The following AGPAT4 variants were observed in gnomAD, a reference collection of about 807,000 sequenced individuals.
AGPAT4 encodes 1-acyl-sn-glycerol-3-phosphate acyltransferase delta.
Under a neutral mutation model 48.0 loss-of-function variants are expected in AGPAT4, and 15 were observed. The observed-to-expected ratio is 0.31, with a 90% confidence interval of 0.21 to 0.48. AGPAT4 has a LOEUF of 0.48. Ranked by LOEUF, AGPAT4 falls within the 20% of genes least tolerant of loss-of-function variation. The pLI is 0.99. For missense variants in AGPAT4, 314 were observed against 482.5 expected (o/e 0.65, Z 3.27); for synonymous variants, 178 against 198.7 (o/e 0.90, Z 0.88).
chr6:161,246,281 G>T lies in AGPAT4; in HGVS notation c.-89-13979C>A, dbSNP rs1782644907. ...CATACATTCATTCGTCCACTGAGAA[G>T]TATATTCATTCATTAGGTTCCCATC... On this transcript the variant is annotated intron_variant, in intron 1 of 8. Transcript: ENST00000320285. The surrounding 1 kb of genome is among the most constrained non-coding windows in gnomAD (Gnocchi z 5.5). Among the ~76,000 whole-genome samples the T allele has an allele frequency of 6.6e-6, 1 of 152,172 alleles. No homozygotes were observed. The highest frequency in any genetic ancestry group is 1.5e-5 in the Non-Finnish European group (1 of 68,032).
At position 161,133,390 on chromosome 6, in the gene AGPAT4, T is replaced by C. The variant is rs535324396; in HGVS notation, c.*3150A>G. 21 of 152,370 alleles carry C rather than the reference T, an allele frequency of 1.4e-4. No homozygotes were observed. Among genetic ancestry groups the C allele is most frequent in the Admixed American group, 3.3e-4 (5 of 15,310 alleles). The allele number at this position is 152,370 out of a possible 1,614,324, so 9.4% of individuals were successfully genotyped here. ...TTTGCATGCATTTGTTTAGAGGATA[T>C]TGCAGTCGAGATATTCCAGTACTAC... On this transcript the variant is annotated 3_prime_UTR_variant, in exon 9 of 9. Coordinates refer to ENST00000320285, the MANE Select transcript of AGPAT4 (RefSeq NM_020133.3).
In AGPAT4 at chr6:161,229,785, G is replaced by A. The variant is rs1257828196; in HGVS notation, c.178+2251C>T. ...TTCCCGCTTCGGATTGTTTAAAAAT[G>A]CTTCCACTATCGCTTGGCCCAAAGC... On this transcript the variant is annotated intron_variant, in intron 2 of 8. Transcript: ENST00000320285. The surrounding 1 kb of genome is among the most constrained non-coding windows in gnomAD (Gnocchi z 6.0). Among the ~76,000 whole-genome samples the A allele has an allele frequency of 6.6e-6, 1 of 152,058 alleles. No individual in the cohort carries two copies. Among genetic ancestry groups the A allele is most frequent in the Admixed American group, 6.5e-5 (1 of 15,274 alleles).
At position 161,232,405 on chromosome 6, in the gene AGPAT4, CAT is replaced by C. The variant is rs1782146186; in HGVS notation, c.-89-105_-89-104del. 1.8e-6 allele frequency: 1 copy of C among 565,652 alleles called. No individual in the cohort carries two copies. Among genetic ancestry groups the C allele is most frequent in the East Asian group, 2.9e-5 (1 of 34,582 alleles). The allele number at this position is 565,652 out of a possible 1,614,324, so 35.0% of individuals were successfully genotyped here. A position where few individuals can be genotyped will look rare whatever the true frequency, so the allele number is the denominator to read the frequency against. On this transcript the variant is annotated intron_variant, in intron 1 of 8. Coordinates refer to ENST00000320285, the MANE Select transcript of AGPAT4 (RefSeq NM_020133.3). The surrounding 1 kb of genome is among the most constrained non-coding windows in gnomAD (Gnocchi z 6.8). ...AAAAATATACACTTGAGGTTAAACT[CAT>C]GTGCGTTAGTTGATTTATCTTTATT... is the stretch of plus-strand genomic sequence containing the variant.
Position 161,244,899 on chromosome 6 carries a change from C to T in AGPAT4, c.-89-12597G>A, listed in dbSNP as rs1782608034. 6.6e-6 allele frequency among the ~76,000 whole-genome samples: 1 copy of T among 152,178 alleles called. No individual in the cohort carries two copies. The highest frequency in any genetic ancestry group is 2.1e-4 in the South Asian group (1 of 4,822). ...GGCCAAAACCCCAGGCCTGGGGAGT[C>T]CCAGTGTCAGAGACAGGCTATCTCA... On this transcript the variant is annotated intron_variant, in intron 1 of 8. Coordinates refer to ENST00000320285, the MANE Select transcript of AGPAT4 (RefSeq NM_020133.3). This position sits in a 1 kb window ranked among gnomAD's most constrained non-coding sequence, Gnocchi z 4.7.
rs1054769637 is a variant in AGPAT4 at position 161,196,274 on chromosome 6, A to G, written c.179-29857T>C. Among the ~76,000 whole-genome samples the G allele has an allele frequency of 2.6e-5, 4 of 152,158 alleles. No homozygotes were observed. The highest frequency in any genetic ancestry group is 5.9e-5 in the Non-Finnish European group (4 of 68,030). On this transcript the variant is annotated intron_variant, in intron 2 of 8. Coordinates refer to ENST00000320285, the MANE Select transcript of AGPAT4 (RefSeq NM_020133.3). The surrounding 1 kb of genome is among the most constrained non-coding windows in gnomAD (Gnocchi z 4.3). ...ACTGGAGAGGCTAGGGGCTGGAGGG[A>G]AATCTGCAGAAAAGGTGTCCTGGAA...
chr6:161,207,273 G>A (rs1322871986), intron 2 of AGPAT4, among the ~76,000 whole-genome samples: 1 of 152,152 alleles, frequency 6.6e-6, no homozygotes, highest in Admixed American at 6.5e-5. Context: ...AGCTCCTCTC[G>A]CTCCTAAATG....
At chr6:161,237,760 TACG>T (rs1404548186) in intron 1 of AGPAT4, among the ~76,000 whole-genome samples, 1 of 152,182 alleles carries the variant, frequency 6.6e-6, no homozygotes, top group African/African-American at 2.4e-5. Flanking sequence ...CATCCTTTTT[TACG>T]ACGAGAATGA....
In AGPAT4 at chr6:161,225,473, C is replaced by A. The variant is rs1413898881; in HGVS notation, c.178+6563G>T. 6.6e-6 allele frequency among the ~76,000 whole-genome samples: 1 copy of A among 152,182 alleles called. No homozygotes were observed. Among genetic ancestry groups the A allele is most frequent in the Non-Finnish European group, 1.5e-5 (1 of 68,038 alleles). On this transcript the variant is annotated intron_variant, in intron 2 of 8. Transcript: ENST00000320285. The surrounding 1 kb of genome is among the most constrained non-coding windows in gnomAD (Gnocchi z 5.0). ...AGAATTAAAAAGAAAATTTTATATT[C>A]GAGTGCTATTTCTTTTGCAGCACCG...
In AGPAT4 at chr6:161,171,956, G is replaced by T. The variant is rs1303529038; in HGVS notation, c.179-5539C>A. Among the ~76,000 whole-genome samples, 4 of 151,934 alleles carry T rather than the reference G, an allele frequency of 2.6e-5. No homozygotes were observed. The highest frequency in any genetic ancestry group is 2.6e-4 in the Admixed American group (4 of 15,236). On this transcript the variant is annotated intron_variant, in intron 2 of 8. Coordinates refer to ENST00000320285, the MANE Select transcript of AGPAT4 (RefSeq NM_020133.3). This position sits in a 1 kb window ranked among gnomAD's most constrained non-coding sequence, Gnocchi z 4.4. ...AGTTTCCAACACATGAACTCTGGGG[G>T]ACACATTCAGAACATAGCATCCCTG...
At chr6:161,179,430 G>A (rs1194531208) in intron 2 of AGPAT4, among the ~76,000 whole-genome samples, 1 of 152,172 alleles carries the variant, frequency 6.6e-6, no homozygotes, top group Admixed American at 6.5e-5. Flanking sequence ...CAGCGCTGTG[G>A]TCAGTTCCTT....
chr6:161,146,674 G>T lies in AGPAT4; in HGVS notation c.768-75C>A. The T allele has an allele frequency of 1.4e-6, 2 of 1,435,396 alleles. No individual in the cohort carries two copies. The highest frequency in any genetic ancestry group is 2.0e-6 in the Non-Finnish European group (2 of 1,025,088). The allele number at this position is 1,435,396 out of a possible 1,614,324, so 88.9% of individuals were successfully genotyped here. ...ACATACAGTTTCCAGTAACGGTGCT[G>T]CCGTTTTTTGTTTTTATCTGGGTCA... On this transcript the variant is annotated intron_variant, in intron 6 of 8. Coordinates refer to ENST00000320285, the MANE Select transcript of AGPAT4 (RefSeq NM_020133.3). The surrounding 1 kb of genome is among the most constrained non-coding windows in gnomAD (Gnocchi z 7.1).
At position 161,161,813 on chromosome 6, in the gene AGPAT4, C is replaced by T. The variant is rs1252530014; in HGVS notation, c.348+4435G>A. Reference sequence around the variant, plus strand: ...ATTTTGAAGGTATATCAATTGCTATCGTTGTCATGATCGAAAATCCTTCGT... The same window carrying T: ...ATTTTGAAGGTATATCAATTGCTATTGTTGTCATGATCGAAAATCCTTCGT... On this transcript the variant is annotated intron_variant, in intron 3 of 8. Coordinates refer to ENST00000320285, the MANE Select transcript of AGPAT4 (RefSeq NM_020133.3). This position sits in a 1 kb window ranked among gnomAD's most constrained non-coding sequence, Gnocchi z 4.6. 5 of 282,286 alleles carry T rather than the reference C, an allele frequency of 1.8e-5. No homozygotes were observed. The highest frequency in any genetic ancestry group is 2.8e-5 in the Non-Finnish European group (4 of 142,262). 17.5% of individuals were successfully genotyped at this position (282,286 alleles called of 1,614,324 possible). A position where few individuals can be genotyped will look rare whatever the true frequency, so the allele number is the denominator to read the frequency against.
chr6:161,173,443 TTTTGAGAAG>T (rs1255485027), intron 2 of AGPAT4, among the ~76,000 whole-genome samples: 5 of 152,258 alleles, frequency 3.3e-5, no homozygotes, highest in African/African-American at 1.2e-4. Context: ...AAATGTCTTC[TTTTGAGAAG>T]TGTCTGTTCA....
At chr6:161,258,508 CAGAA>C (rs1285396840) in intron 1 of AGPAT4, among the ~76,000 whole-genome samples, 1 of 152,026 alleles carries the variant, frequency 6.6e-6, no homozygotes, top group Non-Finnish European at 1.5e-5. Flanking sequence ...AAGCAAAATA[CAGAA>C]AGAAAAAACA....
intron 5 of AGPAT4, 73 bp downstream of exon 5, chr6:161,153,273 T>C (rs1023644102): frequency 1.3e-6 from 2 of 1,525,076 alleles, no homozygotes; most frequent in African/African-American, 1.4e-5. Flanking sequence ...GGAAGCAAGC[T>C]CTGCCCATCC....
chr6:161,211,991 T>G (rs1781534741), intron 2 of AGPAT4, among the ~76,000 whole-genome samples: 1 of 152,164 alleles, frequency 6.6e-6, no homozygotes, highest in Non-Finnish European at 1.5e-5. Context: ...AAGGTCGATT[T>G]TGAAAGATAA....
intron 1 of AGPAT4, among the ~76,000 whole-genome samples, chr6:161,273,704 A>AGC (rs1264506902): frequency 6.6e-6 from 1 of 151,992 alleles, no homozygotes; most frequent in African/African-American, 2.4e-5. Flanking sequence ...CACCCGGCCC[A>AGC]GCACAAAGCG....
rs1322057066 is a variant in AGPAT4, at chr6:161,139,562, G to A, written c.902C>T (p.Pro301Leu). The A allele has an allele frequency of 6.2e-7, 1 of 1,613,938 alleles. No homozygotes were observed. The highest frequency in any genetic ancestry group is 1.1e-5 in the South Asian group (1 of 91,062). Reference sequence around the variant, plus strand: ...CACGAGGGTCCAGGGCCGCCGGGGGGGCACCATGGGCGTCTCTGGGAAGGT... The same window carrying A: ...CACGAGGGTCCAGGGCCGCCGGGGGAGCACCATGGGCGTCTCTGGGAAGGT... The part of the protein sequence containing the change: ...TGTFPETPMV[P>L]PRRPWTLVNW... The change falls in exon 8 of 9, where the codon CCC becomes CTC. Residue 301 changes from proline (P) to leucine (L), a missense_variant. Transcript: ENST00000320285. The surrounding 1 kb of genome is among the most constrained non-coding windows in gnomAD (Gnocchi z 9.1).
chr6:161,236,985 G>A lies in AGPAT4; in HGVS notation c.-89-4683C>T, dbSNP rs1171240880. Among the ~76,000 whole-genome samples the A allele has an allele frequency of 2.6e-5, 4 of 152,120 alleles. No individual in the cohort carries two copies. Among genetic ancestry groups the A allele is most frequent in the Non-Finnish European group, 5.9e-5 (4 of 68,032 alleles). On this transcript the variant is annotated intron_variant, in intron 1 of 8. Coordinates refer to ENST00000320285, the MANE Select transcript of AGPAT4 (RefSeq NM_020133.3). The surrounding 1 kb of genome is among the most constrained non-coding windows in gnomAD (Gnocchi z 5.0). ...ACAAACCACAACCTAGTGAACTAAG[G>A]CAACATGCAAAAGGGATCGCGGAAA...
Sources: allele counts gnomAD v4.1 joint callset (sites outside exome capture counted in the v4.1 genomes callset), GRCh38; gene constraint gnomAD v4.1.1; non-coding constraint Gnocchi (gnomAD v3.1); transcripts MANE v1.5; gene names NCBI Gene and HGNC (gene_info 2026-07-23, HGNC 2026-07-21).